Variants in CEP83 observed in about 807,000 individuals in gnomAD.
CEP83 encodes centrosomal protein 83, also known as centrosomal protein of 83 kDa.
A neutral mutation model predicts 101.9 loss-of-function variants in CEP83; 70 were observed. That is an observed-to-expected ratio of 0.69 (90% confidence interval 0.57 to 0.84). The LOEUF (loss-of-function observed/expected upper bound fraction) is 0.84. Ranked by LOEUF, CEP83 falls within the 40% of genes least tolerant of loss-of-function variation. The probability of loss-of-function intolerance (pLI) is 0.00; values close to 1 mark genes in which losing one functional copy is unlikely to be tolerated. For missense variants in CEP83, 715 were observed against 787.2 expected (o/e 0.91, Z 1.10); for synonymous variants, 264 against 267.9 (o/e 0.99, Z 0.14).
At chr12:94,445,080 A>G (rs2066699206) in intron 1 of CEP83, among the ~76,000 whole-genome samples, 1 of 152,178 alleles carries the variant, frequency 6.6e-6, no homozygotes, top group Non-Finnish European at 1.5e-5. Context: ...ACCTGACTTC[A>G]CTTATTAAAG....
At chr12:94,342,479 A>C (rs1462617473) in intron 11 of CEP83, among the ~76,000 whole-genome samples, 2 of 152,146 alleles carry the variant, frequency 1.3e-5, no homozygotes, top group Admixed American at 1.3e-4. Flanking sequence ...CAAAACCTCA[A>C]AGTAACTAAG....
intron 11 of CEP83, among the ~76,000 whole-genome samples, chr12:94,342,347 ACAG>A (rs1034483029): frequency 1.2e-4 from 19 of 152,236 alleles, no homozygotes; most frequent in Admixed American, 5.9e-4. Flanking sequence ...GTTGAGGATA[ACAG>A]CAGATGTCTA....
At chr12:94,423,626 G>A (rs1456780864) in intron 2 of CEP83, 2 of 1,546,316 alleles carry the variant, frequency 1.3e-6, no homozygotes, top group African/African-American at 2.7e-5. Flanking sequence ...CTAAGTGTTA[G>A]TCCTTAGCAG....
intron 1 of CEP83, among the ~76,000 whole-genome samples, chr12:94,451,710 T>A (rs1306229498): frequency 6.6e-6 from 1 of 152,154 alleles, no homozygotes; most frequent in Non-Finnish European, 1.5e-5. Context: ...AGGATGTAAT[T>A]GGTACAGCTA....
At chr12:94,386,613 TCAGATCTGCC>T (rs1278602501) in intron 6 of CEP83, among the ~76,000 whole-genome samples, 1 of 152,186 alleles carries the variant, frequency 6.6e-6, no homozygotes, top group African/African-American at 2.4e-5. Flanking sequence ...TTTCCTTCCC[TCAGATCTGCC>T]CTGTGCTGCC....
At chr12:94,357,333 G>A (rs2060525388) in intron 11 of CEP83, among the ~76,000 whole-genome samples, 1 of 152,108 alleles carries the variant, frequency 6.6e-6, no homozygotes, top group Non-Finnish European at 1.5e-5. Flanking sequence ...TTTAACTGTG[G>A]GAAGCATGGT....
intron 6 of CEP83, among the ~76,000 whole-genome samples, chr12:94,394,339 A>T (rs1436948827): frequency 6.6e-6 from 1 of 152,190 alleles, no homozygotes; most frequent in African/African-American, 2.4e-5. Flanking sequence ...CAACCATCTG[A>T]TATTTGATAC....
intron 5 of CEP83, 26 bp downstream of exon 5, chr12:94,403,144 C>A: frequency 8.9e-7 from 1 of 1,117,376 alleles, no homozygotes. Context: ...AGGATAAATG[C>A]ATAGTAAACA....
intron 14 of CEP83, among the ~76,000 whole-genome samples, chr12:94,330,700 A>G (rs902853301): frequency 2.6e-5 from 4 of 152,212 alleles, no homozygotes; most frequent in Non-Finnish European, 5.9e-5. Context: ...AATAAAACAG[A>G]TATTAGGTAT....
At chr12:94,423,880 T>C (rs1274560662) in intron 2 of CEP83, 2 of 1,612,120 alleles carry the variant, frequency 1.2e-6, no homozygotes, top group East Asian at 2.2e-5. Context: ...TGTAAGCTCC[T>C]TGCATAGCTG....
chr12:94,393,209 T>C (rs2062670198), intron 6 of CEP83, among the ~76,000 whole-genome samples: 1 of 152,122 alleles, frequency 6.6e-6, no homozygotes, highest in East Asian at 1.9e-4. Context: ...TGATGAACAT[T>C]GATGCGAAAA....
chr12:94,292,559 A>T, the CEP83 span, among the ~76,000 whole-genome samples: 1 of 152,244 alleles, frequency 6.6e-6, no homozygotes, highest in East Asian at 1.9e-4. Context: ...AAATGCTTGG[A>T]ACCACAAGTA....
rs1186260089 is a variant in CEP83 at position 94,308,455 on chromosome 12, A to G, written c.*358T>C. On this transcript the variant is annotated 3_prime_UTR_variant, in exon 17 of 17. Coordinates refer to ENST00000397809, the MANE Select transcript of CEP83 (RefSeq NM_016122.3). ...TGTATGGACCCTGTTATGGCCAAGC[A>G]TCTCAAAGATGAAGAGAGAATTAAT... The G allele has an allele frequency of 2.9e-5, 5 of 175,110 alleles. No homozygotes were observed. The highest frequency in any genetic ancestry group is 4.8e-5 in the Non-Finnish European group (4 of 82,654). 10.8% of individuals were successfully genotyped at this position (175,110 alleles called of 1,614,324 possible).
At chr12:94,448,516 A>T (rs2066975264) in intron 1 of CEP83, among the ~76,000 whole-genome samples, 1 of 152,150 alleles carries the variant, frequency 6.6e-6, no homozygotes, top group African/African-American at 2.4e-5. Context: ...ATTTTCCAGG[A>T]TACACCACAT....
chr12:94,412,908 A>C (rs2063993462), intron 2 of CEP83, among the ~76,000 whole-genome samples: 1 of 150,888 alleles, frequency 6.6e-6, no homozygotes, highest in African/African-American at 2.4e-5. Flanking sequence ...GCTGGAGTAC[A>C]GTGGCGCTAT....
intron 1 of CEP83, among the ~76,000 whole-genome samples, chr12:94,440,255 T>G (rs2066300711): frequency 6.6e-6 from 1 of 152,186 alleles, no homozygotes; most frequent in African/African-American, 2.4e-5. Context: ...TGTTGCAGTT[T>G]GCTGATGATA....
At chr12:94,349,167 T>C (rs1310996610) in intron 11 of CEP83, among the ~76,000 whole-genome samples, 1 of 150,900 alleles carries the variant, frequency 6.6e-6, no homozygotes, top group Non-Finnish European at 1.5e-5. Flanking sequence ...GTGCCTATAA[T>C]CCCAGCTACT....
chr12:94,393,381 A>AT (rs1175271328), intron 6 of CEP83, among the ~76,000 whole-genome samples: 1 of 152,226 alleles, frequency 6.6e-6, no homozygotes, highest in Non-Finnish European at 1.5e-5. Flanking sequence ...AAACCACATG[A>AT]TTATCTCAAT....
At chr12:94,409,207 A>G (rs2063730969) in intron 4 of CEP83, among the ~76,000 whole-genome samples, 1 of 152,094 alleles carries the variant, frequency 6.6e-6, no homozygotes, top group African/African-American at 2.4e-5. Flanking sequence ...AATTGCTTCA[A>G]AATGTGTGTT....
Sources: allele counts gnomAD v4.1 joint callset (sites outside exome capture counted in the v4.1 genomes callset), GRCh38; gene constraint gnomAD v4.1.1; transcripts MANE v1.5; gene names NCBI Gene and HGNC (gene_info 2026-07-23, HGNC 2026-07-21).